CBFB: variants seen among roughly 807,000 people sequenced by gnomAD.
CBFB encodes the protein core-binding factor subunit beta, also known as CBF-beta.
In CBFB, 9 loss-of-function variants were observed where a neutral mutation model predicts 30.4. That is an observed-to-expected ratio of 0.30 (90% CI 0.18 to 0.52). The LOEUF (loss-of-function observed/expected upper bound fraction) is 0.52. CBFB is among the 20% of genes least tolerant of loss of function. The pLI is 0.97. For missense variants in CBFB, 170 were observed against 244.0 expected (o/e 0.70, Z 2.02); for synonymous variants, 94 against 84.0 (o/e 1.12, Z -0.65).
chr16:67,046,039 G>A (rs561551456), intron 3 of CBFB, among the ~76,000 whole-genome samples: 8 of 148,818 alleles, frequency 5.4e-5, no homozygotes, highest in Non-Finnish European at 1.0e-4. Context: ...CAGGTGATCC[G>A]CCTGTCTTGG....
At chr16:67,067,488 A>T (rs1033385776) in intron 4 of CBFB, among the ~76,000 whole-genome samples, 1 of 152,222 alleles carries the variant, frequency 6.6e-6, no homozygotes, top group South Asian at 2.1e-4. Context: ...ACTGCACTCC[A>T]GGCTGGGCAA....
intron 3 of CBFB, among the ~76,000 whole-genome samples, chr16:67,062,378 G>A (rs1162002783): frequency 4.0e-5 from 6 of 151,148 alleles, no homozygotes; most frequent in African/African-American, 9.7e-5. Flanking sequence ...CATGTTGGCC[G>A]GGCTGGTTTC....
intron 5 of CBFB, among the ~76,000 whole-genome samples, chr16:67,089,542 A>C (rs1961825703): frequency 6.6e-6 from 1 of 152,222 alleles, no homozygotes; most frequent in African/African-American, 2.4e-5. Context: ...ATTCTCTGGC[A>C]TATAGGCTGT....
intron 5 of CBFB, among the ~76,000 whole-genome samples, chr16:67,084,165 C>CAA (rs368748767): frequency 0.055 from 2,977 of 53,742 alleles, 291 homozygotes; most frequent in Non-Finnish European, 0.076. Flanking sequence ...GACCCTACCT[C>CAA]AAAAAAAAAA....
intron 2 of CBFB, among the ~76,000 whole-genome samples, chr16:67,030,718 G>T (rs949706455): frequency 1.3e-5 from 2 of 152,110 alleles, no homozygotes; most frequent in Admixed American, 1.3e-4. Context: ...TCCTGCCTCA[G>T]CCTCCTGAGT....
intron 4 of CBFB, among the ~76,000 whole-genome samples, chr16:67,072,316 C>T (rs1961246374): frequency 6.6e-6 from 1 of 152,064 alleles, no homozygotes; most frequent in African/African-American, 2.4e-5. Flanking sequence ...AAAGTTATAT[C>T]TTTATGCTAA....
chr16:67,099,415 CTT>C lies in CBFB; in HGVS notation c.*639_*640del, dbSNP rs1480431566. The C allele has an allele frequency of 4.7e-6, 1 of 214,426 alleles. No homozygotes were observed. Among genetic ancestry groups the C allele is most frequent in the Admixed American group, 5.9e-5 (1 of 17,014 alleles). The allele number at this position is 214,426 out of a possible 1,614,324, so 13.3% of individuals were successfully genotyped here. ...CTTTTAAATGCTAGTAATCAGCACT[CTT>C]TCTTTTTTTTTTTTTTAATAGAGAC... On this transcript the variant is annotated 3_prime_UTR_variant, in exon 6 of 6. Coordinates refer to ENST00000412916, the MANE Select transcript of CBFB (RefSeq NM_022845.3).
rs946492327 is a variant in CBFB at position 67,101,054 on chromosome 16, A to G, written c.*2276A>G. 5.6e-6 allele frequency: 1 copy of G among 179,090 alleles called. No homozygotes were observed. The highest frequency in any genetic ancestry group is 2.0e-4 in the South Asian group (1 of 5,056). The allele number at this position is 179,090 out of a possible 1,614,324, so 11.1% of individuals were successfully genotyped here. The stretch of plus-strand genomic sequence containing the variant: ...CTTTCACAATAAACTTCTGTGTAGT[A>G]AAAACAGGGTCTTGGCTCTTTCTTG... On this transcript the variant is annotated 3_prime_UTR_variant, in exon 6 of 6. Transcript: ENST00000412916.
chr16:67,048,699 C>G lies in CBFB; in HGVS notation c.282+11944C>G, dbSNP rs1028004868. On this transcript the variant is annotated intron_variant, in intron 3 of 5. Transcript: ENST00000412916. ...CCGAGTAGCTGGGACTACAGGAGCC[C>G]GCCACCACGCCTGGCTAATTTTTTT... Among the ~76,000 whole-genome samples the G allele has an allele frequency of 3.4e-5, 5 of 149,152 alleles. No homozygotes were observed. In the East Asian group the frequency reaches 1.0e-3, roughly 30 times the overall value.
chr16:67,095,075 C>T (rs947904089), intron 5 of CBFB, among the ~76,000 whole-genome samples: 3 of 151,372 alleles, frequency 2.0e-5, no homozygotes, highest in South Asian at 2.1e-4. Flanking sequence ...AAAAGTTAGT[C>T]GGGCATGGAA....
chr16:67,093,212 C>G (rs987226695), intron 5 of CBFB, among the ~76,000 whole-genome samples: 1 of 152,164 alleles, frequency 6.6e-6, no homozygotes, highest in Admixed American at 6.5e-5. Context: ...TCCCGAAGTG[C>G]TGTAAACTGT....
rs1449934211 is a variant in CBFB at position 67,043,411 on chromosome 16, A to C, written c.282+6656A>C. On this transcript the variant is annotated intron_variant, in intron 3 of 5. Transcript: ENST00000412916. ...CTTATGTGGCTATAGAATATTTTCA[A>C]ATCAAGGGCTTCTATAAGGAAGGTC... Among the ~76,000 whole-genome samples, 7 of 152,338 alleles carry C rather than the reference A, an allele frequency of 4.6e-5. No individual in the cohort carries two copies. The South Asian group carries it at 6.2e-4, about 14-fold the overall frequency.
chr16:67,093,201 C>T (rs116154207), intron 5 of CBFB, among the ~76,000 whole-genome samples: 5,539 of 152,214 alleles, frequency 0.036, 150 homozygotes, highest in South Asian at 0.078. Flanking sequence ...CCACCTCAGC[C>T]TCCCGAAGTG....
intron 3 of CBFB, among the ~76,000 whole-genome samples, chr16:67,064,165 T>C (rs1380628014): frequency 6.6e-6 from 1 of 152,204 alleles, no homozygotes; most frequent in Non-Finnish European, 1.5e-5. Flanking sequence ...ATTCAGAAAC[T>C]CATGTTAAAC....
chr16:67,082,127 A>AG (rs1210803524), intron 4 of CBFB, 86 bp from the exon 5 acceptor site: 58 of 1,009,012 alleles, frequency 5.7e-5, no homozygotes, highest in Middle Eastern at 3.3e-4. Context: ...CCACTGTTTC[A>AG]GGAAAAAAAA....
intron 2 of CBFB, chr16:67,030,096 A>G (rs1966309349): frequency 2.7e-6 from 1 of 376,424 alleles, no homozygotes; most frequent in African/African-American, 2.1e-5. Context: ...GGCATTGTTT[A>G]GGCGGCGACA....
intron 3 of CBFB, among the ~76,000 whole-genome samples, chr16:67,051,669 A>G (rs1046377768): frequency 6.6e-6 from 1 of 151,974 alleles, no homozygotes; most frequent in Non-Finnish European, 1.5e-5. Context: ...TAAATGACCA[A>G]CATATATAGG....
At chr16:67,030,231 A>G (rs574864652) in intron 2 of CBFB, 19 of 163,936 alleles carry the variant, frequency 1.2e-4, no homozygotes, top group African/African-American at 4.5e-4. Context: ...TCTCTGTGTC[A>G]AGCGGTCTCA....
At chr16:67,085,015 G>A (rs1053112123) in intron 5 of CBFB, among the ~76,000 whole-genome samples, 5 of 151,974 alleles carry the variant, frequency 3.3e-5, no homozygotes, top group Admixed American at 6.5e-5. Flanking sequence ...CTGACTAGGT[G>A]TCAGGTGCTA....
Sources: allele counts gnomAD v4.1 joint callset (sites outside exome capture counted in the v4.1 genomes callset), GRCh38; gene constraint gnomAD v4.1.1; transcripts MANE v1.5; gene names NCBI Gene and HGNC (gene_info 2026-07-23, HGNC 2026-07-21).